Variants in GRIN2B observed in about 807,000 individuals in gnomAD.
GRIN2B encodes the protein glutamate receptor ionotropic, NMDA 2B.
A neutral mutation model predicts 114.5 loss-of-function variants in GRIN2B; 5 were observed. The observed-to-expected ratio is 0.04, with a 90% CI of 0.02 to 0.09. The LOEUF (loss-of-function observed/expected upper bound fraction) is 0.09. Among genes scored for constraint, GRIN2B ranks in the 10% least tolerant of loss-of-function variants. The pLI is 1.00. For missense variants in GRIN2B, 1,108 were observed against 1,943.5 expected, an observed-to-expected ratio of 0.57 and a Z score of 8.08; for synonymous variants, 787 against 745.1, an observed-to-expected ratio of 1.06 and a Z score of -0.92.
chr12:13,662,752 A>G (rs1949936873), intron 5 of GRIN2B, among the ~76,000 whole-genome samples: 1 of 152,124 alleles, frequency 6.6e-6, no homozygotes, highest in Admixed American at 6.5e-5. Flanking sequence ...CTACATGAAG[A>G]TATCAGGTAA....
At chr12:13,826,633 T>C (rs1865040828) in intron 3 of GRIN2B, among the ~76,000 whole-genome samples, 1 of 152,152 alleles carries the variant, frequency 6.6e-6, no homozygotes, top group Non-Finnish European at 1.5e-5. Context: ...TGCCTTATTG[T>C]TGTTTTCTTT....
intron 3 of GRIN2B, among the ~76,000 whole-genome samples, chr12:13,778,521 C>T (rs929738131): frequency 2.0e-5 from 3 of 152,150 alleles, no homozygotes; most frequent in Admixed American, 6.5e-5. Flanking sequence ...CCTTTAGGTG[C>T]TGACTTACAA....
intron 2 of GRIN2B, among the ~76,000 whole-genome samples, chr12:13,919,987 A>T (rs1866795765): frequency 6.6e-6 from 1 of 152,058 alleles, no homozygotes; most frequent in Non-Finnish European, 1.5e-5. Context: ...ATCAATTCAG[A>T]TTTTCTCCCT....
intron 2 of GRIN2B, among the ~76,000 whole-genome samples, chr12:13,965,364 C>G (rs1591644796): frequency 6.6e-6 from 1 of 152,188 alleles, no homozygotes; most frequent in Admixed American, 6.5e-5. Flanking sequence ...AGAGATCTTT[C>G]CAGTCCTCTG....
intron 4 of GRIN2B, among the ~76,000 whole-genome samples, chr12:13,722,867 G>T (rs1486575275): frequency 6.6e-6 from 1 of 152,106 alleles, no homozygotes; most frequent in East Asian, 1.9e-4. Flanking sequence ...CTATTCATCA[G>T]GCACCACTGT....
At chr12:13,584,125 T>C (rs912021326) in intron 10 of GRIN2B, among the ~76,000 whole-genome samples, 18 of 152,024 alleles carry the variant, frequency 1.2e-4, no homozygotes, top group Admixed American at 2.0e-4. Flanking sequence ...CACCACCTTC[T>C]CTCCCACTCT....
chr12:13,547,981 A>ATATATATATATATATATATATTT lies in GRIN2B; in HGVS notation c.*14801_*14802insAAATATATATATATATATATATA. 2.9e-5 allele frequency: 2 copies of ATATATATATATATATATATATTT among 68,578 alleles called. No homozygotes were observed. Among genetic ancestry groups the ATATATATATATATATATATATTT allele is most frequent in the African/African-American group, 9.2e-5 (2 of 21,750 alleles). The allele number at this position is 68,578 out of a possible 1,614,324, so 4.2% of individuals were successfully genotyped here. A position where few individuals can be genotyped will look rare whatever the true frequency, so the allele number is the denominator to read the frequency against. ...TGTGTATATATATATATATATATAT[A>ATATATATATATATATATATATTT]TTTTTTTTTTTTTTCTGAAAGCTAC... On this transcript the variant is annotated 3_prime_UTR_variant, in exon 14 of 14. Coordinates refer to ENST00000609686, the MANE Select transcript of GRIN2B (RefSeq NM_000834.5).
In GRIN2B at chr12:13,811,954, T is replaced by G. The variant is rs879737838; in HGVS notation, c.411+53844A>C. 4.6e-4 allele frequency among the ~76,000 whole-genome samples: 70 copies of G among 152,352 alleles called. 2 individuals are homozygous for G. Among genetic ancestry groups the G allele is most frequent in the Admixed American group, 3.7e-3 (56 of 15,292 alleles). On this transcript the variant is annotated intron_variant, in intron 3 of 13. Transcript: ENST00000609686. ...GATCCTTGAATTCCCTGAAACTGCATGCAGCATTTCGTAAGTGGATACTTT... is the reference window on the plus strand; with the variant it reads ...GATCCTTGAATTCCCTGAAACTGCAGGCAGCATTTCGTAAGTGGATACTTT...
intron 5 of GRIN2B, among the ~76,000 whole-genome samples, chr12:13,643,410 A>T (rs754885324): frequency 6.6e-6 from 1 of 152,198 alleles, no homozygotes; most frequent in Non-Finnish European, 1.5e-5. Flanking sequence ...ATTTAAAAAT[A>T]CTTCGTTGCT....
intron 3 of GRIN2B, among the ~76,000 whole-genome samples, chr12:13,849,678 C>T (rs1481981297): frequency 2.0e-5 from 3 of 152,136 alleles, no homozygotes; most frequent in African/African-American, 7.2e-5. Context: ...TGCAAAAACA[C>T]ATCTCACTCA....
At chr12:13,710,977 A>C (rs1950409116) in intron 4 of GRIN2B, among the ~76,000 whole-genome samples, 1 of 152,136 alleles carries the variant, frequency 6.6e-6, no homozygotes, top group South Asian at 2.1e-4. Context: ...ACTTCAAACT[A>C]TACTACAAGG....
In GRIN2B at chr12:13,751,599, A is replaced by G. The variant is rs181837269; in HGVS notation, c.1010+1718T>C. On this transcript the variant is annotated intron_variant, in intron 4 of 13. Transcript: ENST00000609686. Reference sequence around the variant, plus strand: ...TTTAGGTAACTTTGTAATAGAATACATCATTGACAGGCAGTGCAGATTTGG... The same window carrying G: ...TTTAGGTAACTTTGTAATAGAATACGTCATTGACAGGCAGTGCAGATTTGG... Among the ~76,000 whole-genome samples, 95 of 152,294 alleles carry G rather than the reference A, an allele frequency of 6.2e-4. 1 individual carries two copies. The highest frequency in any genetic ancestry group is 1.3e-4 in the Non-Finnish European group (9 of 68,028).
At chr12:13,667,092 A>C (rs1949983334) in intron 5 of GRIN2B, among the ~76,000 whole-genome samples, 1 of 152,296 alleles carries the variant, frequency 6.6e-6, no homozygotes, top group East Asian at 1.9e-4. Flanking sequence ...AGCAGTAGTC[A>C]TATGACTCCT....
intron 4 of GRIN2B, among the ~76,000 whole-genome samples, chr12:13,749,273 C>T (rs1863439766): frequency 6.6e-6 from 1 of 152,232 alleles, no homozygotes; most frequent in Non-Finnish European, 1.5e-5. Flanking sequence ...TCTCCATCCC[C>T]TAAGTGTAGA....
intron 2 of GRIN2B, among the ~76,000 whole-genome samples, chr12:13,919,267 T>G (rs1233935288): frequency 6.6e-6 from 1 of 152,214 alleles, no homozygotes; most frequent in East Asian, 1.9e-4. Flanking sequence ...TAGTTTATAC[T>G]TTATGGTTCT....
At chr12:13,611,100 G>T (rs1425805033) in intron 9 of GRIN2B, among the ~76,000 whole-genome samples, 1 of 152,168 alleles carries the variant, frequency 6.6e-6, no homozygotes, top group Non-Finnish European at 1.5e-5. Flanking sequence ...AAACACATGG[G>T]CAGCCCTCAC....
At chr12:13,715,515 C>G (rs1369767583) in intron 4 of GRIN2B, among the ~76,000 whole-genome samples, 1 of 151,858 alleles carries the variant, frequency 6.6e-6, no homozygotes, top group Non-Finnish European at 1.5e-5. Context: ...CACTTAGTAA[C>G]ATTTTGAATG....
At chr12:13,739,603 A>C (rs1290633757) in intron 4 of GRIN2B, among the ~76,000 whole-genome samples, 1 of 152,016 alleles carries the variant, frequency 6.6e-6, no homozygotes, top group Non-Finnish European at 1.5e-5. Context: ...ACTTCTGAGC[A>C]CTCAGTAGGT....
chr12:13,849,103 G>A (rs1469346879), intron 3 of GRIN2B, among the ~76,000 whole-genome samples: 1 of 152,140 alleles, frequency 6.6e-6, no homozygotes, highest in African/African-American at 2.4e-5. Flanking sequence ...TGAGAGACCA[G>A]GGCATTCACG....
Sources: allele counts gnomAD v4.1 joint callset (sites outside exome capture counted in the v4.1 genomes callset), GRCh38; gene constraint gnomAD v4.1.1; transcripts MANE v1.5; gene names NCBI Gene and HGNC (gene_info 2026-07-23, HGNC 2026-07-21).